The following AKR1C2 variants were observed in gnomAD, a reference collection of about 807,000 sequenced individuals.
AKR1C2 encodes aldo-keto reductase family 1 member C2, also known as 3-alpha-HSD3.
A neutral mutation model predicts 39.8 loss-of-function variants in AKR1C2; 27 were observed. That is an observed-to-expected ratio of 0.68 (90% CI 0.50 to 0.93). The LOEUF (loss-of-function observed/expected upper bound fraction) is 0.93, where lower values mean the gene tolerates loss of function less well. AKR1C2 is among the 40% of genes least tolerant of loss of function. The pLI, the probability that AKR1C2 is intolerant of heterozygous loss-of-function variation, is 0.00. For missense variants in AKR1C2, 263 were observed against 365.1 expected, an observed-to-expected ratio of 0.72 and a Z score of 2.28; for synonymous variants, 114 against 137.9, an observed-to-expected ratio of 0.83 and a Z score of 1.22.
rs1360188339 is a variant in AKR1C2, at chr10:4,989,149, C to A, written c.*847G>T. 6.6e-6 allele frequency: 1 copy of A among 152,122 alleles called. No homozygotes were observed. Among genetic ancestry groups the A allele is most frequent in the Non-Finnish European group, 1.5e-5 (1 of 68,024 alleles). The allele number at this position is 152,122 out of a possible 1,614,324, so 9.4% of individuals were successfully genotyped here. The stretch of plus-strand genomic sequence containing the variant: ...TCTAAGAATATTTTCTAAATATGAG[C>A]TATTCAGGGGAATGTGATGAGTCAA... On this transcript the variant is annotated 3_prime_UTR_variant, in exon 9 of 9. Transcript: ENST00000380753.
chr10:5,002,083 T>C (rs1162687260), intron 1 of AKR1C2, among the ~76,000 whole-genome samples: 2 of 152,346 alleles, frequency 1.3e-5, no homozygotes, highest in East Asian at 1.9e-4. Flanking sequence ...CTGTGATTCC[T>C]CTCCCACCAT....
At chr10:4,999,006 C>T (rs528575326) in intron 4 of AKR1C2, among the ~76,000 whole-genome samples, 194 bp downstream of exon 4, 153 of 152,260 alleles carry the variant, frequency 1.0e-3, no homozygotes, top group Non-Finnish European at 1.5e-3. Flanking sequence ...CTCCTTACCC[C>T]CAATTCTTCT....
Position 5,003,156 on chromosome 10 carries a change from C to A in AKR1C2, c.84+596G>T, listed in dbSNP as rs563172157. On this transcript the variant is annotated intron_variant, in intron 1 of 8. Coordinates refer to ENST00000380753, the MANE Select transcript of AKR1C2 (RefSeq NM_001393392.1). ...TTACAATATTTTGATACAAATCTGA[C>A]CCATATTAACAAAGACAAAGAATTT... Among the ~76,000 whole-genome samples, 4 of 151,090 alleles carry A rather than the reference C, an allele frequency of 2.6e-5. No homozygotes were observed. The South Asian group carries it at 8.3e-4, about 32-fold the overall frequency.
rs371189776 is a variant in AKR1C2, at chr10:5,001,432, C to T, written c.252+82G>A. 2.6e-6 allele frequency: 4 copies of T among 1,536,052 alleles called. No individual in the cohort carries two copies. In the East Asian group the frequency reaches 6.9e-5, roughly 26 times the overall value. ...ATAAATAAGCACAATTCACCCTCAA[C>T]TATGGATCCAGTCATAGAACTGCCA... is the stretch of plus-strand genomic sequence containing the variant. On this transcript the variant is annotated intron_variant, in intron 2 of 8. Transcript: ENST00000380753.
intron 7 of AKR1C2, among the ~76,000 whole-genome samples, chr10:4,993,079 T>C (rs1223498608): frequency 6.6e-6 from 1 of 152,236 alleles, no homozygotes; most frequent in Non-Finnish European, 1.5e-5. Context: ...TTGTCAAAGA[T>C]TCAGTTCTCT....
chr10:5,001,474 A>G (rs782600990), intron 2 of AKR1C2, 40 bp downstream of exon 2: 4 of 1,591,986 alleles, frequency 2.5e-6, no homozygotes, highest in Admixed American at 1.8e-5. Flanking sequence ...CACAATCACA[A>G]TAAATACATG....
chr10:4,990,533 C>T lies in AKR1C2; in HGVS notation c.930-495G>A, dbSNP rs1354467177. 2.0e-5 allele frequency among the ~76,000 whole-genome samples: 3 copies of T among 152,130 alleles called. No homozygotes were observed. In the East Asian group the frequency reaches 5.8e-4, roughly 29 times the overall value. ...TACTACCTGCCTATCATACGCAACACACTTGGTTAGATTAGAAACGTAAAT... is the reference window on the plus strand; with the variant it reads ...TACTACCTGCCTATCATACGCAACATACTTGGTTAGATTAGAAACGTAAAT... On this transcript the variant is annotated intron_variant, in intron 8 of 8. Transcript: ENST00000380753.
intron 8 of AKR1C2, among the ~76,000 whole-genome samples, chr10:4,991,066 C>G (rs1836824036): frequency 6.6e-6 from 1 of 151,150 alleles, no homozygotes; most frequent in African/African-American, 2.5e-5. Context: ...GAATGACCTT[C>G]TATGAATCCT....
Position 4,998,819 on chromosome 10 carries a change from G to A in AKR1C2, c.448-72C>T, listed in dbSNP as rs1280949609. 2.5e-6 allele frequency: 4 copies of A among 1,595,394 alleles called. No homozygotes were observed. The East Asian group carries it at 6.7e-5, about 27-fold the overall frequency. On this transcript the variant is annotated intron_variant, in intron 4 of 8. Transcript: ENST00000380753. ...AGCAAGATAAATGTAACATAGAACT[G>A]TGAAAGCAACAACTGTCTAGACGTG...
chr10:4,990,319 A>T (rs542848847), intron 8 of AKR1C2, among the ~76,000 whole-genome samples: 31 of 152,266 alleles, frequency 2.0e-4, no homozygotes, highest in African/African-American at 7.0e-4. Context: ...TCAACAACAG[A>T]TCCCACATCT....
intron 8 of AKR1C2, among the ~76,000 whole-genome samples, chr10:4,991,059 T>G (rs558094456): frequency 6.6e-6 from 1 of 151,380 alleles, no homozygotes; most frequent in East Asian, 1.9e-4. Flanking sequence ...ATTATTTGAA[T>G]GACCTTCTAT....
upstream of AKR1C2, among the ~76,000 whole-genome samples, chr10:5,008,135 T>G (rs74111941): frequency 6.6e-6 from 1 of 151,470 alleles, no homozygotes; most frequent in African/African-American, 2.5e-5. Context: ...TTTATAATTC[T>G]GGAATTTTGA....
At chr10:5,001,745 G>GA in intron 1 of AKR1C2, 64 bp from the exon 2 acceptor site, 5 of 1,601,464 alleles carry the variant, frequency 3.1e-6, no homozygotes, top group Non-Finnish European at 4.3e-6. Context: ...TCGGGCACAA[G>GA]CAGCAACGTT....
chr10:4,989,951 C>T lies in AKR1C2; in HGVS notation c.*45G>A. Reference sequence around the variant, plus strand: ...ATAGAGCCATCCTCTGTGTCACCATCCACACGCAGGGCCTTCTGGCAGACC... The same window carrying T: ...ATAGAGCCATCCTCTGTGTCACCATTCACACGCAGGGCCTTCTGGCAGACC... On this transcript the variant is annotated 3_prime_UTR_variant, in exon 9 of 9. Transcript: ENST00000380753. 1 of 1,501,140 alleles carries T rather than the reference C, an allele frequency of 6.7e-7. No individual in the cohort carries two copies. The highest frequency in any genetic ancestry group is 1.1e-5 in the South Asian group (1 of 87,144). The allele number at this position is 1,501,140 out of a possible 1,614,324, so 93.0% of individuals were successfully genotyped here.
intron 1 of AKR1C2, chr10:5,015,991 A>C (rs1837631893): frequency 6.6e-6 from 1 of 152,168 alleles, no homozygotes; most frequent in African/African-American, 2.4e-5. Context: ...CTTTCAAACA[A>C]CTAGATCTCA....
At chr10:5,001,716 A>G (rs1837280897) in intron 1 of AKR1C2, 35 bp from the exon 2 acceptor site, 2 of 1,612,452 alleles carry the variant, frequency 1.2e-6, no homozygotes, top group African/African-American at 2.7e-5. Context: ...TTTTCTGACT[A>G]ATGTGCCTGA....
rs558092104 is a variant in AKR1C2, at chr10:4,998,817, C to T, written c.448-70G>A. On this transcript the variant is annotated intron_variant, in intron 4 of 8. Transcript: ENST00000380753. ...AGAGCAAGATAAATGTAACATAGAA[C>T]TGTGAAAGCAACAACTGTCTAGACG... 136 of 1,597,770 alleles carry T rather than the reference C, an allele frequency of 8.5e-5. 3 individuals carry two copies. The South Asian group carries it at 1.5e-3, about 18-fold the overall frequency.
At chr10:4,994,910 TAAAC>T (rs1340083900) in intron 7 of AKR1C2, among the ~76,000 whole-genome samples, 7 of 141,780 alleles carry the variant, frequency 4.9e-5, no homozygotes, top group Middle Eastern at 3.5e-3. Context: ...AAGGCAGAGT[TAAAC>T]AAGCACTTCG....
At chr10:4,994,840 G>T (rs1246842917) in intron 7 of AKR1C2, among the ~76,000 whole-genome samples, 3 of 143,548 alleles carry the variant, frequency 2.1e-5, no homozygotes, top group Non-Finnish European at 4.6e-5. Context: ...CTAAGGTATT[G>T]GTATAAATAT....
Sources: allele counts gnomAD v4.1 joint callset (sites outside exome capture counted in the v4.1 genomes callset), GRCh38; gene constraint gnomAD v4.1.1; transcripts MANE v1.5; gene names NCBI Gene and HGNC (gene_info 2026-07-23, HGNC 2026-07-21).